The following SLC26A11 variants were observed in gnomAD, a reference collection of about 807,000 sequenced individuals.
The protein encoded by SLC26A11 is sodium-independent sulfate anion transporter.
In SLC26A11, 58 loss-of-function variants were observed where a neutral mutation model predicts 62.2. That is an observed-to-expected ratio of 0.93 (90% confidence interval 0.76 to 1.16). The LOEUF (loss-of-function observed/expected upper bound fraction) is 1.16. SLC26A11 is among the 50% of genes most tolerant of loss of function. The pLI, the probability that SLC26A11 is intolerant of heterozygous loss-of-function variation, is 0.00. For missense variants in SLC26A11, 790 were observed against 794.3 expected, an observed-to-expected ratio of 0.99 and a Z score of 0.06; for synonymous variants, 411 against 368.9, an observed-to-expected ratio of 1.11 and a Z score of -1.31.
At chr17:80,249,336 T>C in intron 16 of SLC26A11, 49 bp downstream of exon 16, 1 of 1,596,588 alleles carries the variant, frequency 6.3e-7, no homozygotes, top group South Asian at 1.1e-5. Context: ...CCGGAAGGCC[T>C]TCCTGTGCCT....
intron 2 of SLC26A11, 64 bp downstream of exon 2, chr17:80,221,179 A>G (rs368714055): frequency 1.9e-4 from 36 of 187,216 alleles, no homozygotes; most frequent in African/African-American, 4.7e-4. Context: ...GGAGACGGAA[A>G]AAAAGGCAAA....
intron 5 of SLC26A11, among the ~76,000 whole-genome samples, chr17:80,224,914 T>C (rs1312778707): frequency 6.6e-6 from 1 of 151,554 alleles, no homozygotes; most frequent in Non-Finnish European, 1.5e-5. Context: ...AGTCCCAGAG[T>C]CCGCCCCCCA....
Position 80,245,233 on chromosome 17 carries a change from C to T in SLC26A11, c.1074C>T (p.Tyr358=), listed in dbSNP as rs1229201055. 1.2e-6 allele frequency: 2 copies of T among 1,613,980 alleles called. No individual in the cohort carries two copies. The highest frequency in any genetic ancestry group is 1.1e-5 in the South Asian group (1 of 91,070). ...TNMLGSLVSS[Y]PVTGSFGRTA... ...TGTTGGGCTCCCTCGTCTCCTCCTA[C>T]CCGGTCACAGGCAGCTTTGGACGGT... is the stretch of plus-strand genomic sequence containing the variant. Residue 358 remains tyrosine, a synonymous_variant, in exon 11 of 18, where the codon TAC becomes TAT. Transcript: ENST00000361193.
chr17:80,247,779 G>C (rs1353985728), intron 13 of SLC26A11, among the ~76,000 whole-genome samples: 1 of 152,132 alleles, frequency 6.6e-6, no homozygotes, highest in African/African-American at 2.4e-5. Context: ...TTTGTCCCCA[G>C]GGCACCTTCT....
At chr17:80,242,466 A>G (rs9674893) in intron 10 of SLC26A11, among the ~76,000 whole-genome samples, 56,731 of 152,020 alleles carry the variant, frequency 0.37, 10,750 homozygotes, top group African/African-American at 0.41. Flanking sequence ...GGGAGGGAGC[A>G]CCTAGTGCCG....
At position 80,246,497 on chromosome 17, in the gene SLC26A11, C is replaced by T. The variant is rs758972363; in HGVS notation, c.1154-12C>T. On this transcript the variant is annotated splice_polypyrimidine_tract_variant and intron_variant, in intron 12 of 17. Transcript: ENST00000361193. This position sits in a 1 kb window ranked among gnomAD's most constrained non-coding sequence, Gnocchi z 4.4. ...GCACTCCCGAGGTCACCTGTGTTCC[C>T]GTGCCCCGCAGGAGTGCTGGTGCTG... 28 of 1,608,664 alleles carry T rather than the reference C, an allele frequency of 1.7e-5. No individual in the cohort carries two copies. Among genetic ancestry groups the T allele is most frequent in the African/African-American group, 4.0e-5 (3 of 74,922 alleles).
At position 80,248,784 on chromosome 17, in the gene SLC26A11, A is replaced by G. The variant is rs2043081291; in HGVS notation, c.1522+110A>G. The G allele has an allele frequency of 2.8e-6, 3 of 1,083,948 alleles. No homozygotes were observed. The South Asian group carries it at 4.4e-5, about 16-fold the overall frequency. 67.1% of individuals were successfully genotyped at this position (1,083,948 alleles called of 1,614,324 possible). Reference sequence around the variant, plus strand: ...TGTCCCCAACGCTCTCCAGTCCACAAGGATGCAGGCATCTCTGAGTGGGCT... The same window carrying G: ...TGTCCCCAACGCTCTCCAGTCCACAGGGATGCAGGCATCTCTGAGTGGGCT... On this transcript the variant is annotated intron_variant, in intron 15 of 17. Transcript: ENST00000361193.
Position 80,224,265 on chromosome 17 carries a change from G to A in SLC26A11, c.513+928G>A, listed in dbSNP as rs540531638. On this transcript the variant is annotated intron_variant, in intron 5 of 17. Transcript: ENST00000361193. ...TTTGAGGGAGTGTGTGAGTGTGTGC[G>A]TGTGTGAGTGAGTGCGTGTGTGAGT... 8.9e-5 allele frequency among the ~76,000 whole-genome samples: 12 copies of A among 134,930 alleles called. No homozygotes were observed. The South Asian group carries it at 1.5e-3, about 17-fold the overall frequency. The allele number at this position is 134,930 out of a possible 152,430, so 88.5% of individuals were successfully genotyped here. A position where few individuals can be genotyped will look rare whatever the true frequency, so the allele number is the denominator to read the frequency against.
intron 5 of SLC26A11, 140 bp from the exon 6 acceptor site, chr17:80,225,697 A>G: frequency 1.3e-6 from 1 of 744,556 alleles, no homozygotes; most frequent in Non-Finnish European, 2.3e-6. Flanking sequence ...CTGAGCCCCT[A>G]AGATGGGCCC....
rs376502934 is a variant in SLC26A11 at position 80,222,810 on chromosome 17, C to G, written c.390C>G (p.Ser130=). The G allele has an allele frequency of 1.5e-5, 24 of 1,614,060 alleles. No individual in the cohort carries two copies. In the African/African-American group the frequency reaches 2.7e-4, roughly 18 times the overall value. The change falls in exon 4 of 18, where the codon TCC becomes TCG. Residue 130 remains serine, a synonymous_variant. Transcript: ENST00000361193. The surrounding 1 kb of genome is among the most constrained non-coding windows in gnomAD (Gnocchi z 4.7). ...PAYAVLLAFL[S]GCIQLAMGVL... is the part of the protein sequence containing the mutation. ...ACGCTGTGCTGCTGGCCTTCCTGTC[C>G]GGCTGCATCCAGCTGGCCATGGGGG...
intron 2 of SLC26A11, chr17:80,221,326 G>GT (rs976214719): frequency 6.1e-6 from 3 of 494,282 alleles, no homozygotes; most frequent in African/African-American, 2.0e-5. Context: ...TTGCACGGGG[G>GT]GGATTCAGGG....
chr17:80,224,691 G>A (rs1000331036), intron 5 of SLC26A11, among the ~76,000 whole-genome samples: 1 of 152,152 alleles, frequency 6.6e-6, no homozygotes, highest in Non-Finnish European at 1.5e-5. Context: ...TCAGGGCATG[G>A]TTGGTTCTTT....
Position 80,246,410 on chromosome 17 carries a change from C to T in SLC26A11, c.1154-99C>T, listed in dbSNP as rs190164309. On this transcript the variant is annotated intron_variant, in intron 12 of 17. Transcript: ENST00000361193. The surrounding 1 kb of genome is among the most constrained non-coding windows in gnomAD (Gnocchi z 4.4). ...CTTGGCAGTCGTCGCCCTACCCCCA[C>T]CCCTGTCCCCAGTGGGCTCTGCTGA... 3.3e-6 allele frequency: 5 copies of T among 1,534,182 alleles called. 1 individual carries two copies. The highest frequency in any genetic ancestry group is 2.7e-5 in the African/African-American group (2 of 73,856).
chr17:80,249,208 A>G lies in SLC26A11; in HGVS notation c.1577A>G (p.Tyr526Cys). The change falls in exon 16 of 18, where the codon TAC becomes TGC. Residue 526 changes from tyrosine to cysteine, a missense_variant. Transcript: ENST00000361193. ...TGCACCCATGTCTGCAGCATCGACT[A>G]CACTGTGGTGCTGGGACTCGGCGAG... ...LECTHVCSID[Y>C]TVVLGLGELL... is the part of the protein sequence containing the mutation. 4 of 1,611,210 alleles carry G rather than the reference A, an allele frequency of 2.5e-6. No individual in the cohort carries two copies. The highest frequency in any genetic ancestry group is 3.4e-6 in the Non-Finnish European group (4 of 1,179,960).
intron 11 of SLC26A11, among the ~76,000 whole-genome samples, chr17:80,245,550 G>A (rs952878223): frequency 1.3e-5 from 2 of 152,170 alleles, no homozygotes; most frequent in African/African-American, 4.8e-5. Context: ...CCAGCAGGAT[G>A]AGGCTGCAGT....
rs768740645 is a variant in SLC26A11 at position 80,252,694 on chromosome 17, A to T, written c.1799A>T (p.Lys600Met). Reference sequence around the variant, plus strand: ...AGAGAAGACTCCATTCTGGACCAAAAGGTTGCCCTGCTCAAGGCATAATGG... The same window carrying T: ...AGAGAAGACTCCATTCTGGACCAAATGGTTGCCCTGCTCAAGGCATAATGG... ...NIREDSILDQKVALLKA is the reference protein window; with the variant it reads ...NIREDSILDQMVALLKA Residue 600 changes from lysine (K) to methionine (M), a missense_variant, in exon 18 of 18, where the codon AAG (lysine) becomes ATG (methionine). Transcript: ENST00000361193. This position sits in a 1 kb window ranked among gnomAD's most constrained non-coding sequence, Gnocchi z 5.2. 4 of 1,613,822 alleles carry T rather than the reference A, an allele frequency of 2.5e-6. No individual in the cohort carries two copies. Among genetic ancestry groups the T allele is most frequent in the Non-Finnish European group, 3.4e-6 (4 of 1,179,908 alleles).
At chr17:80,229,734 C>T (rs1257230757) in intron 7 of SLC26A11, among the ~76,000 whole-genome samples, 1 of 152,132 alleles carries the variant, frequency 6.6e-6, no homozygotes, top group Non-Finnish European at 1.5e-5. Context: ...CTGGCCTATG[C>T]CTTGTTATCT....
chr17:80,233,811 T>TCAAGGGATCCTCCTA (rs1555628037), intron 7 of SLC26A11, among the ~76,000 whole-genome samples: 1 of 129,772 alleles, frequency 7.7e-6, no homozygotes, highest in African/African-American at 2.7e-5. Flanking sequence ...ACTCCTGGGC[T>TCAAGGGATCCTCCTA]CAAGGGATCC....
chr17:80,221,747 A>G lies in SLC26A11; in HGVS notation c.187A>G (p.Ile63Val), dbSNP rs142733492. ...VAGLSVGLTA[I>V]PQALAYAEVA... ...CGGCCTCTCAGTTGGCCTCACTGCC[A>G]TTCCCCAGGCGCTGGCCTATGCTGA... The change falls in exon 3 of 18, where the codon ATT becomes GTT. Residue 63 changes from isoleucine (I) to valine (V), a missense_variant. Physicochemically the swap from Ile to Val is conservative, Grantham distance 29 (BLOSUM62 3). Coordinates refer to ENST00000361193, the MANE Select transcript of SLC26A11 (RefSeq NM_001166347.2). 3 of 1,613,372 alleles carry G rather than the reference A, an allele frequency of 1.9e-6. No homozygotes were observed. Among genetic ancestry groups the G allele is most frequent in the African/African-American group, 1.3e-5 (1 of 74,926 alleles).
Sources: allele counts gnomAD v4.1 joint callset (sites outside exome capture counted in the v4.1 genomes callset), GRCh38; gene constraint gnomAD v4.1.1; non-coding constraint Gnocchi (gnomAD v3.1); transcripts MANE v1.5; gene names NCBI Gene and HGNC (gene_info 2026-07-23, HGNC 2026-07-21).